Variants in MEMO1 observed in about 807,000 individuals in gnomAD.
The protein encoded by MEMO1 is mediator of cell motility 1, also known as protein MEMO1.
In MEMO1, 6 loss-of-function variants were observed where a neutral mutation model predicts 45.2. The ratio of observed to expected loss-of-function variants is 0.13; its 90% CI spans 0.07 to 0.26. The LOEUF (loss-of-function observed/expected upper bound fraction) is 0.26. MEMO1 is among the 10% of genes least tolerant of loss of function. The probability of loss-of-function intolerance (pLI) is 1.00; values close to 1 mark genes in which losing one functional copy is unlikely to be tolerated. For missense variants in MEMO1, 184 were observed against 370.5 expected (o/e 0.50, Z 4.13); for synonymous variants, 78 against 124.3 (o/e 0.63, Z 2.48).
At chr2:31,933,348 A>AAAAAATATATATATAT (rs1558514269) in intron 3 of MEMO1, among the ~76,000 whole-genome samples, 1 of 16,186 alleles carries the variant, frequency 6.2e-5, no homozygotes, top group Non-Finnish European at 1.0e-4. Context: ...AAAAAAAAAA[A>AAAAAATATATATATAT]ATTTATATAT....
At chr2:31,900,397 G>A (rs1034392961) in intron 6 of MEMO1, among the ~76,000 whole-genome samples, 16 of 152,112 alleles carry the variant, frequency 1.1e-4, no homozygotes, top group Non-Finnish European at 1.9e-4. Flanking sequence ...GGATGAAGCC[G>A]GAAACCATCA....
chr2:31,990,209 C>G (rs1671776103), intron 2 of MEMO1, among the ~76,000 whole-genome samples: 1 of 152,172 alleles, frequency 6.6e-6, no homozygotes, highest in African/African-American at 2.4e-5. Flanking sequence ...CAACATATCA[C>G]AACACTGAAT....
At chr2:31,934,143 C>A (rs912733183) in intron 3 of MEMO1, among the ~76,000 whole-genome samples, 1 of 152,184 alleles carries the variant, frequency 6.6e-6, no homozygotes, top group Non-Finnish European at 1.5e-5. Context: ...ATGTTCAACA[C>A]TCCCTAGAAA....
At chr2:31,968,173 GA>G (rs1668857699) in intron 2 of MEMO1, among the ~76,000 whole-genome samples, 1 of 152,210 alleles carries the variant, frequency 6.6e-6, no homozygotes, top group South Asian at 2.1e-4. Context: ...CAGAAAGACT[GA>G]AGCAGAATTT....
intron 2 of MEMO1, among the ~76,000 whole-genome samples, chr2:31,956,572 C>A (rs1667436724): frequency 6.6e-6 from 1 of 152,100 alleles, no homozygotes; most frequent in South Asian, 2.1e-4. Context: ...AATGATTGCA[C>A]ATGGGTGAAC....
At chr2:31,977,158 A>C (rs1358613825) in intron 2 of MEMO1, among the ~76,000 whole-genome samples, 3 of 152,164 alleles carry the variant, frequency 2.0e-5, no homozygotes, top group African/African-American at 7.2e-5. Flanking sequence ...CATGAACAAA[A>C]GCATAGAAGT....
intron 4 of MEMO1, among the ~76,000 whole-genome samples, chr2:31,927,782 T>G (rs1025581853): frequency 6.6e-6 from 1 of 152,170 alleles, no homozygotes; most frequent in African/African-American, 2.4e-5. Context: ...AGTATCTCAT[T>G]TTAATTTTGA....
intron 4 of MEMO1, among the ~76,000 whole-genome samples, chr2:31,927,044 T>C (rs1683217886): frequency 1.3e-5 from 2 of 152,078 alleles, no homozygotes; most frequent in African/African-American, 2.4e-5. Context: ...AAAGTACAAA[T>C]ATTCGGCTGG....
intron 2 of MEMO1, among the ~76,000 whole-genome samples, chr2:32,001,526 T>C (rs551502330): frequency 6.6e-6 from 1 of 152,316 alleles, no homozygotes; most frequent in African/African-American, 2.4e-5. Context: ...TGATTCCAAA[T>C]AGTTCAACTT....
chr2:31,895,360 C>G (rs1362117312), intron 6 of MEMO1, among the ~76,000 whole-genome samples: 1 of 152,092 alleles, frequency 6.6e-6, no homozygotes, highest in African/African-American at 2.4e-5. Flanking sequence ...ATTCAAAGAA[C>G]TACAGGAAGC....
intron 3 of MEMO1, among the ~76,000 whole-genome samples, chr2:31,941,546 C>T (rs1459833589): frequency 1.3e-5 from 2 of 152,180 alleles, no homozygotes; most frequent in African/African-American, 2.4e-5. Context: ...ACAAGAGTGG[C>T]AACTTTGATT....
intron 6 of MEMO1, among the ~76,000 whole-genome samples, chr2:31,915,129 T>TC (rs1681236698): frequency 6.6e-6 from 1 of 151,640 alleles, no homozygotes; most frequent in Non-Finnish European, 1.5e-5. Flanking sequence ...TGAGACTCTT[T>TC]CCCCCAACAC....
chr2:31,962,047 T>A (rs1245486301), intron 2 of MEMO1, among the ~76,000 whole-genome samples: 1 of 152,056 alleles, frequency 6.6e-6, no homozygotes, highest in East Asian at 1.9e-4. Context: ...TAAACTCAAT[T>A]GCGTCTGTAA....
At chr2:31,993,809 T>C (rs1369378971) in intron 2 of MEMO1, among the ~76,000 whole-genome samples, 1 of 152,090 alleles carries the variant, frequency 6.6e-6, no homozygotes, top group East Asian at 1.9e-4. Context: ...AGTAAAGCTT[T>C]AATGATAGAA....
chr2:31,992,505 G>A (rs145711935), intron 2 of MEMO1, among the ~76,000 whole-genome samples: 12 of 152,220 alleles, frequency 7.9e-5, no homozygotes, highest in South Asian at 6.2e-4. Flanking sequence ...ATTAATGGGC[G>A]GGGCACAGTG....
At chr2:31,986,187 G>A (rs1352205012) in intron 2 of MEMO1, among the ~76,000 whole-genome samples, 1 of 152,128 alleles carries the variant, frequency 6.6e-6, no homozygotes, top group African/African-American at 2.4e-5. Context: ...GAGGTCAGGT[G>A]GTCGAGACCA....
intron 4 of MEMO1, among the ~76,000 whole-genome samples, chr2:31,922,221 G>A (rs1202338925): frequency 1.3e-5 from 2 of 151,782 alleles, no homozygotes; most frequent in East Asian, 3.9e-4. Flanking sequence ...GTGTGCTTTA[G>A]CAATGTATTT....
At chr2:31,916,175 T>C (rs1681407842) in intron 6 of MEMO1, among the ~76,000 whole-genome samples, 1 of 152,204 alleles carries the variant, frequency 6.6e-6, no homozygotes, top group African/African-American at 2.4e-5. Flanking sequence ...AATGTTATTT[T>C]GTTATAACCT....
At chr2:32,004,813 G>C (rs1673844540) in intron 2 of MEMO1, among the ~76,000 whole-genome samples, 1 of 151,828 alleles carries the variant, frequency 6.6e-6, no homozygotes, top group African/African-American at 2.4e-5. Flanking sequence ...TGTAATCCCA[G>C]CTACTCGGGA....
Sources: gnomAD v4.1 joint callset for allele counts (sites outside exome capture counted in the v4.1 genomes callset) on GRCh38, gnomAD v4.1.1 for gene constraint, MANE v1.5 for transcripts, NCBI Gene and HGNC (gene_info 2026-07-23, HGNC 2026-07-21) for gene names.